The following DLGAP1 variants were observed in gnomAD, a reference collection of about 807,000 sequenced individuals.
DLGAP1 encodes the protein disks large-associated protein 1.
A neutral mutation model predicts 90.8 loss-of-function variants in DLGAP1; 11 were observed. The ratio of observed to expected loss-of-function variants is 0.12; its 90% CI spans 0.08 to 0.20. The LOEUF (loss-of-function observed/expected upper bound fraction) is 0.20, where lower values mean the gene tolerates loss of function less well. DLGAP1 is among the 10% of genes least tolerant of loss of function. The pLI is 1.00. For missense variants in DLGAP1, 1,050 were observed against 1,333.8 expected (o/e 0.79, Z 3.31); for synonymous variants, 558 against 540.7 (o/e 1.03, Z -0.44).
chr18:4,364,388 C>G (rs2081709751), intron 1 of DLGAP1, among the ~76,000 whole-genome samples: 2 of 151,072 alleles, frequency 1.3e-5, no homozygotes, highest in Admixed American at 6.6e-5. Flanking sequence ...CACATGTACC[C>G]TAAAACTTAA....
intron 7 of DLGAP1, among the ~76,000 whole-genome samples, chr18:3,619,572 C>T (rs1339043420): frequency 1.3e-5 from 2 of 152,132 alleles, no homozygotes; most frequent in African/African-American, 2.4e-5. Flanking sequence ...CTTCCCTCTT[C>T]TAGCCGCCCT....
intron 2 of DLGAP1, among the ~76,000 whole-genome samples, chr18:4,067,578 A>G (rs1314824373): frequency 6.8e-6 from 1 of 146,290 alleles, no homozygotes; most frequent in Admixed American, 6.8e-5. Context: ...GAATTAACTG[A>G]GAGTTTGGCA....
chr18:4,298,638 G>A (rs1054385197), intron 1 of DLGAP1, among the ~76,000 whole-genome samples: 1 of 152,134 alleles, frequency 6.6e-6, no homozygotes, highest in East Asian at 1.9e-4. Context: ...TGGGGGGAAA[G>A]GGGAGGGAAA....
At chr18:3,961,351 C>T (rs767427105) in intron 3 of DLGAP1, among the ~76,000 whole-genome samples, 1 of 152,282 alleles carries the variant, frequency 6.6e-6, no homozygotes, top group African/African-American at 2.4e-5. Context: ...GTCTGGTTGG[C>T]TTTTTTCTGA....
intron 7 of DLGAP1, among the ~76,000 whole-genome samples, chr18:3,633,028 G>C (rs1299177552): frequency 6.6e-6 from 1 of 152,194 alleles, no homozygotes; most frequent in Non-Finnish European, 1.5e-5. Flanking sequence ...TTATGGGATA[G>C]AATTTTCCTA....
At position 3,565,842 on chromosome 18, in the gene DLGAP1, C is replaced by A. The variant is rs8083568; in HGVS notation, c.2057+1648G>T. Among the ~76,000 whole-genome samples, 57,480 of 151,642 alleles carry A rather than the reference C, an allele frequency of 0.38. 13,029 individuals are homozygous for A. Among genetic ancestry groups the A allele is most frequent in the East Asian group, 0.69 (3,544 of 5,100 alleles). ...AGAGTGAGACTCTGTCTCAAAAAAACCACACACAAAAAACAAACAAACAAA... is the reference window on the plus strand; with the variant it reads ...AGAGTGAGACTCTGTCTCAAAAAAAACACACACAAAAAACAAACAAACAAA... On this transcript the variant is annotated intron_variant, in intron 9 of 12. Coordinates refer to ENST00000315677, the MANE Select transcript of DLGAP1 (RefSeq NM_004746.4). The surrounding 1 kb of genome is among the most constrained non-coding windows in gnomAD (Gnocchi z 4.0).
At chr18:4,308,223 G>A (rs1441752170) in intron 1 of DLGAP1, among the ~76,000 whole-genome samples, 1 of 152,114 alleles carries the variant, frequency 6.6e-6, no homozygotes, top group South Asian at 2.1e-4. Context: ...GCCCTACAGC[G>A]CAAGTTTCTA....
chr18:4,225,540 T>C (rs2078168500), intron 1 of DLGAP1, among the ~76,000 whole-genome samples: 8 of 151,928 alleles, frequency 5.3e-5, no homozygotes, highest in Admixed American at 5.2e-4. Context: ...TTGAGGAAAC[T>C]CAATGAAATT....
intron 3 of DLGAP1, chr18:3,897,175 T>C (rs1423938914): frequency 4.6e-5 from 7 of 152,234 alleles, no homozygotes; most frequent in African/African-American, 1.2e-4. Context: ...GTGACCGTTA[T>C]GATAGGTGAG....
chr18:4,026,830 G>A (rs1287160478), intron 2 of DLGAP1, among the ~76,000 whole-genome samples: 2 of 152,112 alleles, frequency 1.3e-5, no homozygotes, highest in Non-Finnish European at 1.5e-5. Flanking sequence ...ATTATAAATT[G>A]GCATGCGACT....
intron 9 of DLGAP1, 98 bp from the exon 10 acceptor site, chr18:3,534,713 C>G (rs2052236666): frequency 1.6e-5 from 15 of 947,046 alleles, no homozygotes; most frequent in Non-Finnish European, 2.2e-5. Context: ...TTTTTTTTGA[C>G]AGAGTCTCAC....
intron 4 of DLGAP1, among the ~76,000 whole-genome samples, chr18:3,868,137 C>T (rs767921006): frequency 3.9e-5 from 6 of 152,092 alleles, no homozygotes; most frequent in East Asian, 1.9e-4. Flanking sequence ...GTCTGCTCAG[C>T]GTGCCATGGA....
At chr18:3,595,668 A>G (rs940724341) in intron 7 of DLGAP1, among the ~76,000 whole-genome samples, 37 of 152,308 alleles carry the variant, frequency 2.4e-4, no homozygotes, top group African/African-American at 8.4e-4. Flanking sequence ...GATGTTGAGA[A>G]CATCAGGCTT....
At position 3,517,385 on chromosome 18, in the gene DLGAP1, C is replaced by A. The variant is rs2050904900; in HGVS notation, c.2480-8724G>T. On this transcript the variant is annotated intron_variant, in intron 10 of 12. Transcript: ENST00000315677. This position sits in a 1 kb window ranked among gnomAD's most constrained non-coding sequence, Gnocchi z 4.1. The stretch of plus-strand genomic sequence containing the variant: ...GCTAGATCTTCTGGATAACTTACTG[C>A]AGCTTCTCCATCATCACTAGGAATT... Among the ~76,000 whole-genome samples, 1 of 152,216 alleles carries A rather than the reference C, an allele frequency of 6.6e-6. No homozygotes were observed. The highest frequency in any genetic ancestry group is 2.1e-4 in the South Asian group (1 of 4,828).
intron 9 of DLGAP1, among the ~76,000 whole-genome samples, chr18:3,541,986 C>T (rs972238676): frequency 5.3e-5 from 8 of 152,068 alleles, no homozygotes; most frequent in African/African-American, 7.2e-5. Context: ...AATATGTCAC[C>T]GGGGCTTTCC....
chr18:4,162,294 G>T (rs1413594881), intron 1 of DLGAP1, among the ~76,000 whole-genome samples: 1 of 152,122 alleles, frequency 6.6e-6, no homozygotes. Context: ...AGGATTATTG[G>T]TATCAATAAA....
chr18:3,803,285 C>T (rs1252358867), intron 5 of DLGAP1, among the ~76,000 whole-genome samples: 1 of 152,142 alleles, frequency 6.6e-6, no homozygotes, highest in African/African-American at 2.4e-5. Context: ...TCCAGCTTCT[C>T]TCACTCTAAA....
At chr18:3,641,617 A>ACACACAGAC (rs2058949185) in intron 7 of DLGAP1, among the ~76,000 whole-genome samples, 1 of 151,952 alleles carries the variant, frequency 6.6e-6, no homozygotes, top group African/African-American at 2.4e-5. Context: ...ACACACAGAC[A>ACACACAGAC]CACACAGTAT....
chr18:4,221,315 GCTT>G (rs1455251627), intron 1 of DLGAP1, among the ~76,000 whole-genome samples: 3 of 151,506 alleles, frequency 2.0e-5, no homozygotes, highest in Non-Finnish European at 4.4e-5. Context: ...AACTTATATG[GCTT>G]CTTGTTTCCC....
Sources: allele counts gnomAD v4.1 joint callset (sites outside exome capture counted in the v4.1 genomes callset), GRCh38; gene constraint gnomAD v4.1.1; non-coding constraint Gnocchi (gnomAD v3.1); transcripts MANE v1.5; gene names NCBI Gene and HGNC (gene_info 2026-07-23, HGNC 2026-07-21).